Variants in AP3B1 observed in about 807,000 individuals in gnomAD.
The protein encoded by AP3B1 is AP-3 complex subunit beta-1.
AP3B1 carries 61 observed loss-of-function variants against 132.5 expected under a neutral mutation model. The ratio of observed to expected loss-of-function variants is 0.46; its 90% CI spans 0.37 to 0.57. AP3B1 has a LOEUF of 0.57. AP3B1 is among the 20% of genes least tolerant of loss of function. The probability of loss-of-function intolerance (pLI) is 0.00; values close to 1 mark genes in which losing one functional copy is unlikely to be tolerated. For missense variants in AP3B1, 1,120 were observed against 1,289.4 expected (o/e 0.87, Z 2.01); for synonymous variants, 388 against 438.3 (o/e 0.89, Z 1.43).
intron 2 of AP3B1, among the ~76,000 whole-genome samples, chr5:78,248,442 G>A (rs1257301968): frequency 9.0e-5 from 12 of 132,634 alleles, no homozygotes; most frequent in South Asian, 4.7e-4. Context: ...GCAGTGAGCC[G>A]AGATCACACC....
chr5:78,214,838 A>T (rs1745890376), intron 7 of AP3B1, among the ~76,000 whole-genome samples: 1 of 152,200 alleles, frequency 6.6e-6, no homozygotes, highest in Admixed American at 6.5e-5. Flanking sequence ...TCATCAATTT[A>T]AGAGCATTAT....
At chr5:78,281,233 G>C (rs367681117) in intron 1 of AP3B1, among the ~76,000 whole-genome samples, 1 of 151,936 alleles carries the variant, frequency 6.6e-6, no homozygotes, top group Non-Finnish European at 1.5e-5. Flanking sequence ...TCAGCAGCTC[G>C]AGACCATCCT....
intron 7 of AP3B1, among the ~76,000 whole-genome samples, chr5:78,204,030 G>C (rs997287902): frequency 5.9e-5 from 9 of 152,108 alleles, no homozygotes; most frequent in Admixed American, 5.9e-4. Context: ...ATTTAACATG[G>C]TGATTTAAAA....
At chr5:78,082,772 G>C (rs771720005) in intron 22 of AP3B1, among the ~76,000 whole-genome samples, 4 of 151,726 alleles carry the variant, frequency 2.6e-5, no homozygotes, top group Non-Finnish European at 5.9e-5. Context: ...ATCACAGATA[G>C]TATATCTCCA....
intron 2 of AP3B1, among the ~76,000 whole-genome samples, chr5:78,262,935 G>T (rs1402347767): frequency 6.6e-6 from 1 of 152,116 alleles, no homozygotes; most frequent in Non-Finnish European, 1.5e-5. Context: ...TTCCCAAAGT[G>T]CTGGGATTAC....
intron 26 of AP3B1, among the ~76,000 whole-genome samples, chr5:78,014,217 A>C (rs145553590): frequency 4.7e-4 from 72 of 152,206 alleles, no homozygotes; most frequent in African/African-American, 1.4e-3. Flanking sequence ...TAAAAAAAAA[A>C]AAAACAGTAC....
intron 22 of AP3B1, among the ~76,000 whole-genome samples, chr5:78,050,673 A>G (rs1422822758): frequency 6.6e-6 from 1 of 152,204 alleles, no homozygotes; most frequent in Non-Finnish European, 1.5e-5. Context: ...TAATTCAAAC[A>G]CTAATTCTTG....
chr5:78,049,287 T>C (rs1047259567), intron 22 of AP3B1, among the ~76,000 whole-genome samples: 1 of 152,186 alleles, frequency 6.6e-6, no homozygotes, highest in African/African-American at 2.4e-5. Context: ...AATTAGGTAT[T>C]TCACAGCTCT....
chr5:78,181,806 A>T (rs1179277117), intron 7 of AP3B1, 144 bp from the exon 8 acceptor site: 9 of 680,138 alleles, frequency 1.3e-5, no homozygotes, highest in Non-Finnish European at 2.0e-5. Context: ...AAAATATTAC[A>T]CAACCTATAT....
intron 13 of AP3B1, among the ~76,000 whole-genome samples, chr5:78,159,673 TAATC>T (rs1743307577): frequency 6.6e-6 from 1 of 152,210 alleles, no homozygotes; most frequent in Admixed American, 6.5e-5. Context: ...AAACTTGACT[TAATC>T]AATCTGCGAA....
intron 1 of AP3B1, among the ~76,000 whole-genome samples, chr5:78,286,574 CA>C (rs1394442649): frequency 6.6e-6 from 1 of 152,120 alleles, no homozygotes; most frequent in African/African-American, 2.4e-5. Flanking sequence ...TCCTGGCCTC[CA>C]AAAATGTGAG....
chr5:78,063,517 T>C (rs925421117), intron 22 of AP3B1, among the ~76,000 whole-genome samples: 2 of 152,222 alleles, frequency 1.3e-5, no homozygotes, highest in African/African-American at 4.8e-5. Context: ...GCATTCATGA[T>C]GGACAATTAT....
chr5:78,070,186 C>T (rs1049680270), intron 22 of AP3B1, among the ~76,000 whole-genome samples: 11 of 151,944 alleles, frequency 7.2e-5, no homozygotes, highest in South Asian at 2.1e-4. Flanking sequence ...GCAGGCGGAT[C>T]ACCTGAGGTC....
chr5:78,174,336 G>T (rs1399829201), intron 11 of AP3B1, among the ~76,000 whole-genome samples: 6 of 152,128 alleles, frequency 3.9e-5, no homozygotes, highest in African/African-American at 1.4e-4. Flanking sequence ...ACTACCTTTG[G>T]TCTTTGATGT....
In AP3B1 at chr5:78,159,268, T is replaced by C. The variant is rs994503099; in HGVS notation, c.1364-2901A>G. Among the ~76,000 whole-genome samples the C allele has an allele frequency of 2.6e-5, 4 of 152,196 alleles. No individual in the cohort carries two copies. In the South Asian group the frequency reaches 6.2e-4, roughly 24 times the overall value. On this transcript the variant is annotated intron_variant, in intron 13 of 26. Transcript: ENST00000255194. Reference sequence around the variant, plus strand: ...TAATTATCTACAAGCAGACGCAGGATTGGCTACAGTTGAAATATGCGTTTG... The same window carrying C: ...TAATTATCTACAAGCAGACGCAGGACTGGCTACAGTTGAAATATGCGTTTG...
intron 2 of AP3B1, among the ~76,000 whole-genome samples, chr5:78,254,434 C>T (rs1394715350): frequency 6.6e-6 from 1 of 152,002 alleles, no homozygotes; most frequent in Non-Finnish European, 1.5e-5. Context: ...TCCCAAAGGT[C>T]AAGGATAGAG....
Position 78,031,396 on chromosome 5 carries a change from A to G in AP3B1, c.2894+2965T>C, listed in dbSNP as rs188742302. ...GTGAGGATCTGAGAATATTTTGGAT[A>G]CTCTCTTGGATAAAACTATATTTCA... is the stretch of plus-strand genomic sequence containing the variant. On this transcript the variant is annotated intron_variant, in intron 24 of 26. Transcript: ENST00000255194. Among the ~76,000 whole-genome samples the G allele has an allele frequency of 7.1e-4, 108 of 152,096 alleles. 1 individual carries two copies. Among genetic ancestry groups the G allele is most frequent in the African/African-American group, 2.6e-3 (106 of 41,494 alleles).
Position 78,002,945 on chromosome 5 carries a change from G to C in AP3B1, c.3242C>G (p.Ser1081Cys). 6.2e-7 allele frequency: 1 copy of C among 1,614,202 alleles called. No individual in the cohort carries two copies. Residue 1081 changes from serine to cysteine, a missense_variant, in exon 27 of 27, where the codon TCT becomes TGT. Around this residue, in one of 3 missense-constraint regions of AP3B1, gnomAD observed 906 missense variants for 997.1 expected, o/e 0.91. Transcript: ENST00000255194. ...AGGCTTCAGTTCCCGCAGCAGAACA[G>C]AGCCAATCACAGTTTTCTCAGTGTT... ...IINTEKTVIGSVLLRELKPVL... is the reference protein window; with the variant it reads ...IINTEKTVIGCVLLRELKPVL...
chr5:78,202,552 AGTGTGTGTGTGTGTGTGTGTGTGTGTGT>A (rs36209977), intron 7 of AP3B1, among the ~76,000 whole-genome samples: 3 of 146,056 alleles, frequency 2.1e-5, no homozygotes, highest in African/African-American at 7.6e-5. Flanking sequence ...CCATATATTC[AGTGTGTGTGTGTGTGTGTGTGTGTGTGT>A]GTGTGTGTGT....
Sources: gnomAD v4.1 joint callset for allele counts (sites outside exome capture counted in the v4.1 genomes callset) on GRCh38, gnomAD v4.1.1 for gene constraint, gnomAD v4.1.1 regional missense constraint, MANE v1.5 for transcripts, NCBI Gene and HGNC (gene_info 2026-07-23, HGNC 2026-07-21) for gene names.